Variants in TTC7A observed in about 807,000 individuals in gnomAD.
The protein encoded by TTC7A is tetratricopeptide repeat domain 7A, also known as tetratricopeptide repeat protein 7A.
TTC7A carries 110 observed loss-of-function variants against 103.7 expected under a neutral mutation model. That is an observed-to-expected ratio of 1.06 (90% CI 0.91 to 1.24). The LOEUF is 1.24. Ranked by LOEUF, TTC7A falls within the 50% of genes most tolerant of loss-of-function variation. The probability of loss-of-function intolerance (pLI) is 0.00; values close to 1 mark genes in which losing one functional copy is unlikely to be tolerated. For missense variants in TTC7A, 1,340 were observed against 1,116.3 expected (o/e 1.20, Z -2.86); for synonymous variants, 521 against 467.9 (o/e 1.11, Z -1.47).
Position 47,073,791 on chromosome 2 carries a change from G to A in TTC7A, c.2445G>A (p.Ala815=), listed in dbSNP as rs538187043. 2.8e-4 allele frequency: 456 copies of A among 1,613,810 alleles called. 7 individuals carry two copies. The South Asian group carries it at 4.3e-3, about 15-fold the overall frequency. ...AVERQSTCHE[A]WQGLGEVLQA... is the part of the protein sequence containing the mutation. ...AGAGGCAGAGTACGTGCCACGAGGCGTGGCAGGGCCTGGGCGAGGTGCTGC... is the reference window on the plus strand; with the variant it reads ...AGAGGCAGAGTACGTGCCACGAGGCATGGCAGGGCCTGGGCGAGGTGCTGC... Residue 815 remains alanine (A), a synonymous_variant, in exon 20 of 20, where the codon GCG becomes GCA. Transcript: ENST00000319190.
At chr2:47,058,018 C>T (rs141166993) in intron 18 of TTC7A, among the ~76,000 whole-genome samples, 2,545 of 152,278 alleles carry the variant, frequency 0.017, 39 homozygotes, top group Non-Finnish European at 0.021. Flanking sequence ...ATGTTAAGCA[C>T]TCAGTTATGA....
chr2:46,942,654 A>G (rs1002514740), intron 1 of TTC7A, among the ~76,000 whole-genome samples: 1 of 152,134 alleles, frequency 6.6e-6, no homozygotes, highest in African/African-American at 2.4e-5. Flanking sequence ...CACTTTACAG[A>G]TAAGGAAACT....
At chr2:46,947,819 T>A (rs1281692311) in intron 1 of TTC7A, among the ~76,000 whole-genome samples, 13 of 152,204 alleles carry the variant, frequency 8.5e-5, no homozygotes, top group Non-Finnish European at 1.3e-4. Flanking sequence ...CTCCCAATTT[T>A]TTAGTATTAG....
chr2:46,995,882 C>G (rs1676126877), intron 8 of TTC7A, among the ~76,000 whole-genome samples: 1 of 152,248 alleles, frequency 6.6e-6, no homozygotes, highest in Non-Finnish European at 1.5e-5. Flanking sequence ...TAATCAAAAA[C>G]TACAATATGC....
At chr2:46,995,330 T>G in intron 8 of TTC7A, 131 bp downstream of exon 8, 1 of 885,166 alleles carries the variant, frequency 1.1e-6, no homozygotes. Context: ...AAGTAGATGC[T>G]TCTTGGCCCT....
chr2:46,942,877 T>C (rs1302597473), intron 1 of TTC7A, among the ~76,000 whole-genome samples: 1 of 151,976 alleles, frequency 6.6e-6, no homozygotes, highest in Non-Finnish European at 1.5e-5. Context: ...TTTTTTTGGT[T>C]GTCTTTTTGT....
rs188830310 is a variant in TTC7A, at chr2:46,956,799, C to G, written c.349-40C>G. On this transcript the variant is annotated intron_variant, in intron 2 of 19. Transcript: ENST00000319190. ...AGTGGGGGTGTTCACCCCAAGGTAACTTTGGGGCAGGCGCTGGTAACATGT... is the reference window on the plus strand; with the variant it reads ...AGTGGGGGTGTTCACCCCAAGGTAAGTTTGGGGCAGGCGCTGGTAACATGT... 1.1e-5 allele frequency: 17 copies of G among 1,611,506 alleles called. No homozygotes were observed. In the African/African-American group the frequency reaches 2.0e-4, roughly 19 times the overall value.
chr2:47,001,951 G>A (rs963509862), intron 8 of TTC7A, among the ~76,000 whole-genome samples: 12 of 152,114 alleles, frequency 7.9e-5, no homozygotes, highest in Non-Finnish European at 1.5e-4. Context: ...TTTCTCATGG[G>A]CCAGCCTGCC....
intron 8 of TTC7A, among the ~76,000 whole-genome samples, chr2:47,004,216 G>A (rs935535931): frequency 6.6e-6 from 1 of 152,230 alleles, no homozygotes; most frequent in African/African-American, 2.4e-5. Flanking sequence ...CAACAGGGCA[G>A]CCATCAGAAC....
intron 18 of TTC7A, among the ~76,000 whole-genome samples, chr2:47,059,009 C>CCTTTTTTTTTTT (rs1683547403): frequency 2.2e-5 from 1 of 44,702 alleles, no homozygotes; most frequent in African/African-American, 1.2e-4. Flanking sequence ...CCTAAGCCTG[C>CCTTTTTTTTTTT]TTTTTTTTTT....
chr2:47,038,344 T>C, intron 15 of TTC7A, among the ~76,000 whole-genome samples: 1 of 151,888 alleles, frequency 6.6e-6, no homozygotes, highest in East Asian at 1.9e-4. Flanking sequence ...ACTTGGGTCA[T>C]CAGACTTGGA....
chr2:47,061,646 T>C (rs764882921), intron 19 of TTC7A, among the ~76,000 whole-genome samples: 3 of 152,226 alleles, frequency 2.0e-5, no homozygotes, highest in Non-Finnish European at 1.5e-5. Context: ...CTCTACCTGG[T>C]GATCATGGGT....
chr2:46,941,593 G>A lies in TTC7A; in HGVS notation c.52G>A (p.Glu18Lys), dbSNP rs1177931649. The A allele has an allele frequency of 6.4e-7, 1 of 1,557,294 alleles. No individual in the cohort carries two copies. Among genetic ancestry groups the A allele is most frequent in the Non-Finnish European group, 8.7e-7 (1 of 1,151,128 alleles). The change falls in exon 1 of 20, where the codon GAG becomes AAG. Residue 18 changes from glutamate (E) to lysine (K), a missense_variant. Coordinates refer to ENST00000319190, the MANE Select transcript of TTC7A (RefSeq NM_020458.4). The surrounding 1 kb of genome is among the most constrained non-coding windows in gnomAD (Gnocchi z 4.2). ...CTACCTGAAGGTGGAGAGCGAGCTG[G>A]AGCGCTGCCGCGCCGAGGGCCACTG... is the stretch of plus-strand genomic sequence containing the variant. ...GSYLKVESELERCRAEGHWDR... is the reference protein window; with the variant it reads ...GSYLKVESELKRCRAEGHWDR...
intron 8 of TTC7A, among the ~76,000 whole-genome samples, chr2:46,995,798 G>A (rs1461743513): frequency 4.6e-5 from 7 of 152,228 alleles, no homozygotes; most frequent in South Asian, 2.1e-4. Flanking sequence ...CAGAGATGCC[G>A]CAGCAAACAA....
intron 5 of TTC7A, among the ~76,000 whole-genome samples, chr2:46,987,369 G>A (rs1675120305): frequency 1.3e-5 from 2 of 152,210 alleles, no homozygotes; most frequent in South Asian, 2.1e-4. Context: ...CAGCTCTAGG[G>A]GTGAAGCAGT....
chr2:46,979,676 G>A (rs556707057), intron 5 of TTC7A, among the ~76,000 whole-genome samples: 2 of 152,282 alleles, frequency 1.3e-5, no homozygotes, highest in South Asian at 4.1e-4. Flanking sequence ...TTCAAGATGA[G>A]GAGTGCGTAT....
At chr2:47,070,420 T>A (rs1215346552) in intron 19 of TTC7A, among the ~76,000 whole-genome samples, 1 of 152,250 alleles carries the variant, frequency 6.6e-6, no homozygotes, top group Non-Finnish European at 1.5e-5. Flanking sequence ...TGTGGGTGTC[T>A]CTGGGTTCCC....
intron 15 of TTC7A, 32 bp from the exon 16 acceptor site, chr2:47,046,283 G>A (rs748326045): frequency 6.4e-7 from 1 of 1,569,182 alleles, no homozygotes; most frequent in Non-Finnish European, 8.8e-7. Flanking sequence ...CCCTTGCTGG[G>A]GTGTGCTGAT....
rs778222150 is a variant in TTC7A at position 46,956,993 on chromosome 2, C to G, written c.503C>G (p.Ala168Gly). 1.2e-6 allele frequency: 2 copies of G among 1,614,014 alleles called. No individual in the cohort carries two copies. Among genetic ancestry groups the G allele is most frequent in the East Asian group, 4.5e-5 (2 of 44,880 alleles). ...TATCAGATGCGGCTGCTGTCGGAGG[C>G]TTTTGTCATCAAAGGTAGCTGTGGG... is the stretch of plus-strand genomic sequence containing the variant. ...PLYQMRLLSE[A>G]FVIKGLSLER... Residue 168 changes from alanine (A) to glycine (G), a missense_variant, in exon 3 of 20, where the codon GCT becomes GGT. Ala to Gly is a moderately conservative substitution (Grantham distance 60, BLOSUM62 0). Transcript: ENST00000319190.
Sources: allele counts gnomAD v4.1 joint callset (sites outside exome capture counted in the v4.1 genomes callset), GRCh38; gene constraint gnomAD v4.1.1; non-coding constraint Gnocchi (gnomAD v3.1); transcripts MANE v1.5; gene names NCBI Gene and HGNC (gene_info 2026-07-23, HGNC 2026-07-21).